Variants in TGDS observed in about 807,000 individuals in gnomAD.
TGDS encodes UDP-D-glucose 4,6-dehydratase.
TGDS carries 47 observed loss-of-function variants against 52.3 expected under a neutral mutation model. That is an observed-to-expected ratio of 0.90 (90% CI 0.71 to 1.15). The LOEUF (loss-of-function observed/expected upper bound fraction) is 1.15. Among genes scored for constraint, TGDS ranks in the 50% most tolerant of loss-of-function variants. The pLI is 0.00. For synonymous variants in TGDS, 115 were observed against 136.9 expected, an observed-to-expected ratio of 0.84 and a Z score of 1.12; for missense variants, 375 against 418.4, an observed-to-expected ratio of 0.90 and a Z score of 0.90.
intron 11 of TGDS, among the ~76,000 whole-genome samples, chr13:94,575,249 C>A (rs1424536630): frequency 1.3e-5 from 2 of 148,538 alleles, no homozygotes; most frequent in Non-Finnish European, 3.0e-5. Flanking sequence ...GGTAACACTG[C>A]ATGAGAGGCA....
In TGDS at chr13:94,580,972, G is replaced by A. The variant is rs1037576846; in HGVS notation, c.555+119C>T. 2.5e-5 allele frequency: 14 copies of A among 565,668 alleles called. No homozygotes were observed. The East Asian group carries it at 3.3e-4, about 13-fold the overall frequency. 35.0% of individuals were successfully genotyped at this position (565,668 alleles called of 1,614,324 possible). ...TGAGTGTCAGATTGCGACTGTCTCCGAACAATAAATAGAAAACTTAAAAAT... is the reference window on the plus strand; with the variant it reads ...TGAGTGTCAGATTGCGACTGTCTCCAAACAATAAATAGAAAACTTAAAAAT... On this transcript the variant is annotated intron_variant, in intron 6 of 11. Coordinates refer to ENST00000261296, the MANE Select transcript of TGDS (RefSeq NM_014305.4).
At chr13:94,593,112 C>T (rs1275174195) in intron 2 of TGDS, among the ~76,000 whole-genome samples, 1 of 151,998 alleles carries the variant, frequency 6.6e-6, no homozygotes, top group African/African-American at 2.4e-5. Flanking sequence ...TGAGATTGTG[C>T]CACTGCACTC....
intron 6 of TGDS, among the ~76,000 whole-genome samples, chr13:94,580,214 A>G (rs1888739395): frequency 2.6e-5 from 4 of 152,208 alleles, no homozygotes; most frequent in Admixed American, 2.6e-4. Context: ...GCACAGGTTT[A>G]TAAGTCTGAC....
chr13:94,590,687 A>C (rs1021711538), intron 4 of TGDS, among the ~76,000 whole-genome samples, 166 bp downstream of exon 4: 2 of 152,172 alleles, frequency 1.3e-5, no homozygotes, highest in Non-Finnish European at 2.9e-5. Context: ...TAGCCTTGCA[A>C]TGCTAATAAA....
rs147186335 is a variant in TGDS at position 94,584,397 on chromosome 13, T to G, written c.314-1161A>C. Among the ~76,000 whole-genome samples, 464 of 152,264 alleles carry G rather than the reference T, an allele frequency of 3.0e-3. 1 individual carries two copies. Among genetic ancestry groups the G allele is most frequent in the African/African-American group, 0.01 (432 of 41,540 alleles). ...TTTTGGAATAAAGTAAATGAGTAATTAGGATGGTGCTGTTGAGAACCAAGG... is the reference window on the plus strand; with the variant it reads ...TTTTGGAATAAAGTAAATGAGTAATGAGGATGGTGCTGTTGAGAACCAAGG... On this transcript the variant is annotated intron_variant, in intron 4 of 11. Transcript: ENST00000261296.
rs760775839 is a variant in TGDS at position 94,593,952 on chromosome 13, C to T, written c.87-45G>A. 1.7e-5 allele frequency: 21 copies of T among 1,208,986 alleles called. No individual in the cohort carries two copies. In the Middle Eastern group the frequency reaches 5.7e-4, roughly 33 times the overall value. The allele number at this position is 1,208,986 out of a possible 1,614,324, so 74.9% of individuals were successfully genotyped here. A position where few individuals can be genotyped will look rare whatever the true frequency, so the allele number is the denominator to read the frequency against. ...CTTGTTAGTGAAAAACTTTAACTTC[C>T]CTAAACTCTTGAATATTTTCCTAAG... On this transcript the variant is annotated intron_variant, in intron 1 of 11. Coordinates refer to ENST00000261296, the MANE Select transcript of TGDS (RefSeq NM_014305.4).
chr13:94,582,363 G>C (rs540460839), intron 5 of TGDS, among the ~76,000 whole-genome samples: 4 of 152,098 alleles, frequency 2.6e-5, no homozygotes, highest in African/African-American at 9.6e-5. Flanking sequence ...TGTAAGAGTG[G>C]GACAAAAAGG....
chr13:94,583,025 G>A (rs1327372069), intron 5 of TGDS, 69 bp downstream of exon 5: 1 of 1,541,452 alleles, frequency 6.5e-7, no homozygotes, highest in Non-Finnish European at 8.8e-7. Context: ...AAAAAGCCCA[G>A]TGTAGGTTTA....
intron 7 of TGDS, 106 bp from the exon 8 acceptor site, chr13:94,578,879 GCTT>G: frequency 1.6e-6 from 1 of 610,246 alleles, no homozygotes; most frequent in African/African-American, 1.9e-5. Flanking sequence ...CATATGGATT[GCTT>G]CTAATTATTT....
intron 5 of TGDS, among the ~76,000 whole-genome samples, chr13:94,582,544 G>A (rs1395786364): frequency 3.3e-5 from 5 of 152,180 alleles, no homozygotes; most frequent in East Asian, 1.9e-4. Context: ...ATTCTATGAC[G>A]GTTAACACTA....
In TGDS at chr13:94,574,772, T is replaced by C. The variant is rs1211713906; in HGVS notation, c.*10A>G. The C allele has an allele frequency of 6.3e-7, 1 of 1,576,520 alleles. No individual in the cohort carries two copies. Among genetic ancestry groups the C allele is most frequent in the Non-Finnish European group, 8.7e-7 (1 of 1,148,996 alleles). ...TTCTTTGACAACTGTCTCGACTATA[T>C]AAATGGTGATTATACCGGAAAGGGT... On this transcript the variant is annotated 3_prime_UTR_variant, in exon 12 of 12. Coordinates refer to ENST00000261296, the MANE Select transcript of TGDS (RefSeq NM_014305.4).
At chr13:94,584,314 G>A (rs1392905658) in intron 4 of TGDS, among the ~76,000 whole-genome samples, 2 of 152,158 alleles carry the variant, frequency 1.3e-5, no homozygotes, top group Non-Finnish European at 2.9e-5. Context: ...TCTTTAGGAT[G>A]GGTCCTAATC....
At chr13:94,596,273 C>T (rs1889384187), upstream of TGDS, 6 of 940,530 alleles carry the variant, frequency 6.4e-6, no homozygotes, top group South Asian at 6.9e-5. Flanking sequence ...CCGGAGACTG[C>T]TCTGTGGCCA....
At chr13:94,591,813 T>A (rs910954524) in intron 3 of TGDS, among the ~76,000 whole-genome samples, 7 of 152,238 alleles carry the variant, frequency 4.6e-5, no homozygotes, top group Admixed American at 3.3e-4. Flanking sequence ...AAAGAGAGTT[T>A]ATAGAATAAC....
At chr13:94,575,781 T>C (rs192516873) in intron 11 of TGDS, among the ~76,000 whole-genome samples, 1 of 152,292 alleles carries the variant, frequency 6.6e-6, no homozygotes, top group Non-Finnish European at 1.5e-5. Flanking sequence ...TGAATACATT[T>C]CTAAATACAG....
rs762724578 is a variant in TGDS at position 94,577,024 on chromosome 13, CT to C, written c.884+346del. Among the ~76,000 whole-genome samples the C allele has an allele frequency of 4.6e-5, 7 of 151,786 alleles. No homozygotes were observed. In the South Asian group the frequency reaches 1.2e-3, roughly 27 times the overall value. ...GCTGAGGCAGGAGAACTGCTTGAAC[CT>C]GGGAAGGCAGAGATTGCAGTGAGCC... On this transcript the variant is annotated intron_variant, in intron 10 of 11. Transcript: ENST00000261296.
chr13:94,593,949 T>C (rs1342818834), intron 1 of TGDS, 42 bp from the exon 2 acceptor site: 1 of 1,224,638 alleles, frequency 8.2e-7, no homozygotes, highest in Non-Finnish European at 1.2e-6. Flanking sequence ...AAACTTTAAC[T>C]TCCCTAAACT....
chr13:94,583,265 A>G lies in TGDS; in HGVS notation c.314-29T>C, dbSNP rs551046784. The G allele has an allele frequency of 1.8e-5, 29 of 1,605,070 alleles. No homozygotes were observed. The African/African-American group carries it at 3.1e-4, about 17-fold the overall frequency. On this transcript the variant is annotated intron_variant, in intron 4 of 11. Coordinates refer to ENST00000261296, the MANE Select transcript of TGDS (RefSeq NM_014305.4). ...AAAGAAAAGAGTGAAAAGCTAAAAC[A>G]AGTCTACCCAACGGATAAAACAAAT...
intron 4 of TGDS, among the ~76,000 whole-genome samples, chr13:94,587,777 C>A (rs1889043161): frequency 6.6e-6 from 1 of 151,786 alleles, no homozygotes; most frequent in African/African-American, 2.4e-5. Context: ...GCGGGTGGAT[C>A]ACGAGGTCAG....
Sources: allele counts gnomAD v4.1 joint callset (sites outside exome capture counted in the v4.1 genomes callset), GRCh38; gene constraint gnomAD v4.1.1; transcripts MANE v1.5; gene names NCBI Gene and HGNC (gene_info 2026-07-23, HGNC 2026-07-21).